THBS4: variants seen among roughly 807,000 people sequenced by gnomAD.
The protein encoded by THBS4 is thrombospondin-4.
Under a neutral mutation model 115.7 loss-of-function variants are expected in THBS4, and 90 were observed. The ratio of observed to expected loss-of-function variants is 0.78; its 90% confidence interval spans 0.66 to 0.93. THBS4 has a LOEUF of 0.93. Among genes scored for constraint, THBS4 ranks in the 40% least tolerant of loss-of-function variants. The pLI is 0.00. For synonymous variants in THBS4, 460 were observed against 479.3 expected (o/e 0.96, Z 0.53); for missense variants, 1,087 against 1,232.7 (o/e 0.88, Z 1.77).
At chr5:79,992,892 T>G (rs1831714288) in intron 1 of THBS4, among the ~76,000 whole-genome samples, 1 of 152,226 alleles carries the variant, frequency 6.6e-6, no homozygotes, top group Non-Finnish European at 1.5e-5. Flanking sequence ...ACTTTCAGAT[T>G]GTAATGGAAC....
intron 2 of THBS4, among the ~76,000 whole-genome samples, chr5:80,013,473 A>G (rs1374434068): frequency 2.0e-5 from 3 of 152,166 alleles, no homozygotes; most frequent in African/African-American, 7.2e-5. Flanking sequence ...AAAGGGGTCT[A>G]GCCAGGATCC....
At chr5:80,052,172 G>A (rs1278883287) in intron 2 of THBS4, among the ~76,000 whole-genome samples, 1 of 152,138 alleles carries the variant, frequency 6.6e-6, no homozygotes, top group South Asian at 2.1e-4. Context: ...AATTGAGTTA[G>A]TGCATATGTT....
chr5:80,033,989 A>G (rs55909950), upstream of THBS4, among the ~76,000 whole-genome samples: 52 of 152,328 alleles, frequency 3.4e-4, no homozygotes, highest in African/African-American at 1.2e-3. Context: ...TAGAAAGGCA[A>G]GGCTGTTCTG....
chr5:80,054,318 CTTTTT>C (rs56296474), intron 2 of THBS4, among the ~76,000 whole-genome samples: 29,618 of 123,762 alleles, frequency 0.24, 3,539 homozygotes, highest in African/African-American at 0.33. Flanking sequence ...CACACCTGGC[CTTTTT>C]TTTTTTTTTT....
In THBS4 at chr5:80,081,347, C is replaced by T. The variant is rs184643563; in HGVS notation, c.2685-1059C>T. Among the ~76,000 whole-genome samples the T allele has an allele frequency of 5.9e-5, 9 of 152,224 alleles. No homozygotes were observed. The East Asian group carries it at 7.7e-4, about 13-fold the overall frequency. On this transcript the variant is annotated intron_variant, in intron 20 of 21. Coordinates refer to ENST00000350881, the MANE Select transcript of THBS4 (RefSeq NM_003248.6). ...AAATATTTTGAAATGCCCCCTTTTC[C>T]GTCCCAAAATGGAATCATAGAAATT...
At chr5:80,020,586 A>G (rs1832351184) in intron 2 of THBS4, among the ~76,000 whole-genome samples, 1 of 152,220 alleles carries the variant, frequency 6.6e-6, no homozygotes, top group Admixed American at 6.5e-5. Flanking sequence ...CTCCAACTGT[A>G]CAAGGGGGAA....
At chr5:80,042,764 G>A (rs1278546769) in intron 2 of THBS4, among the ~76,000 whole-genome samples, 2 of 152,240 alleles carry the variant, frequency 1.3e-5, no homozygotes, top group East Asian at 1.9e-4. Context: ...TCAGGAGTTC[G>A]AGAACAGCAT....
rs755845382 is a variant in THBS4 at position 80,070,409 on chromosome 5, A to G, written c.1451A>G (p.Lys484Arg). 6.2e-7 allele frequency: 1 copy of G among 1,614,042 alleles called. No homozygotes were observed. Residue 484 changes from lysine (K) to arginine (R), a missense_variant and splice_region_variant, in exon 11 of 22, where the codon AAG becomes AGG. Around this residue, in one of 3 missense-constraint regions of THBS4, gnomAD observed 979 missense variants for 1,103.7 expected, o/e 0.89. Transcript: ENST00000350881. Reference sequence around the variant, plus strand: ...CCATGCTCTGCCAGGAACTGTAAAAAGGTAAGGGGTGTGGGGTGGCAGTAG... The same window carrying G: ...CCATGCTCTGCCAGGAACTGTAAAAGGGTAAGGGGTGTGGGGTGGCAGTAG... ...ELPCSARNCK[K>R]DNCKYVPNSG... is the part of the protein sequence containing the mutation.
chr5:80,020,930 A>G (rs1268167972), intron 2 of THBS4, among the ~76,000 whole-genome samples: 2 of 152,258 alleles, frequency 1.3e-5, no homozygotes, highest in Non-Finnish European at 2.9e-5. Context: ...TAAATTTTAA[A>G]AAATTGTAAT....
chr5:80,020,605 G>T (rs780491938), intron 2 of THBS4, among the ~76,000 whole-genome samples: 1 of 152,180 alleles, frequency 6.6e-6, no homozygotes, highest in African/African-American at 2.4e-5. Flanking sequence ...AATGTGGATC[G>T]CTGACCCTGA....
intron 2 of THBS4, among the ~76,000 whole-genome samples, chr5:80,015,654 C>T (rs1012201304): frequency 5.3e-5 from 8 of 152,240 alleles, no homozygotes; most frequent in Admixed American, 3.3e-4. Context: ...TCAACATTCA[C>T]GGAGAAGGTC....
intron 2 of THBS4, among the ~76,000 whole-genome samples, chr5:80,004,517 G>C (rs913121581): frequency 3.9e-5 from 6 of 152,146 alleles, no homozygotes; most frequent in Non-Finnish European, 2.9e-5. Flanking sequence ...TGTGGCCTAC[G>C]GGTTTGATTT....
chr5:80,040,417 T>A, intron 2 of THBS4, 137 bp downstream of exon 2: 1 of 692,234 alleles, frequency 1.4e-6, no homozygotes, highest in Non-Finnish European at 2.4e-6. Context: ...TAATACTGAA[T>A]TCTTCTTACT....
chr5:80,046,233 TAAAAG>T (rs1389794693), intron 2 of THBS4, among the ~76,000 whole-genome samples: 1 of 152,156 alleles, frequency 6.6e-6, no homozygotes, highest in Non-Finnish European at 1.5e-5. Context: ...CAAGAACAGT[TAAAAG>T]AAAACAAAAA....
chr5:79,994,188 A>C (rs1292298770), intron 1 of THBS4, among the ~76,000 whole-genome samples: 1 of 152,210 alleles, frequency 6.6e-6, no homozygotes, highest in African/African-American at 2.4e-5. Context: ...TTATCTCCAT[A>C]ATGATTTCAT....
chr5:80,035,599 C>T lies in THBS4; in HGVS notation c.62C>T (p.Ala21Val). ...LLHLVLQRWL[A>V]AGAQATPQVF... ...CACCTGGTCCTGCAGCGGTGGCTAG[C>T]GGCAGGCGCCCAGGCCACCCCCCAG... Residue 21 changes from alanine (A) to valine (V), a missense_variant, in exon 1 of 22, where the codon GCG (alanine) becomes GTG (valine). Around this residue, in one of 3 missense-constraint regions of THBS4, gnomAD observed 979 missense variants for 1,103.7 expected, o/e 0.89. Coordinates refer to ENST00000350881, the MANE Select transcript of THBS4 (RefSeq NM_003248.6). The surrounding 1 kb of genome is among the most constrained non-coding windows in gnomAD (Gnocchi z 4.6). The T allele has an allele frequency of 7.0e-7, 1 of 1,418,604 alleles. No homozygotes were observed. Among genetic ancestry groups the T allele is most frequent in the Non-Finnish European group, 9.2e-7 (1 of 1,085,256 alleles). The allele number at this position is 1,418,604 out of a possible 1,614,324, so 87.9% of individuals were successfully genotyped here.
chr5:80,072,044 C>G, intron 13 of THBS4: 1 of 487,346 alleles, frequency 2.1e-6, no homozygotes, highest in Non-Finnish European at 3.8e-6. Context: ...GCTATCATAG[C>G]CCTTGACATC....
intron 2 of THBS4, among the ~76,000 whole-genome samples, chr5:80,020,959 A>G (rs144873746): frequency 1.1e-3 from 166 of 152,326 alleles, no homozygotes; most frequent in African/African-American, 3.9e-3. Flanking sequence ...TTGGCTGGCA[A>G]ATGTATGAAC....
rs910763274 is a variant in THBS4, at chr5:80,029,314, C to T, written n.178-10763C>T. The stretch of plus-strand genomic sequence containing the variant: ...CACGATAATCATTGTTATCATTAGA[C>T]ATTGCAGGAACCACCATATGGATGG... On this transcript the variant is annotated intron_variant and non_coding_transcript_variant, in intron 2 of 3. Coordinates refer to the THBS4 transcript ENST00000510218. Among the ~76,000 whole-genome samples, 11 of 152,292 alleles carry T rather than the reference C, an allele frequency of 7.2e-5. No homozygotes were observed. The South Asian group carries it at 1.2e-3, about 17-fold the overall frequency.
Sources: gnomAD v4.1 joint callset for allele counts (sites outside exome capture counted in the v4.1 genomes callset) on GRCh38, gnomAD v4.1.1 for gene constraint, gnomAD v4.1.1 regional missense constraint, Gnocchi (gnomAD v3.1) non-coding constraint, MANE v1.5 for transcripts, NCBI Gene and HGNC (gene_info 2026-07-23, HGNC 2026-07-21) for gene names.